Variants in ADAMTS3 observed in about 807,000 individuals in gnomAD.
ADAMTS3 encodes A disintegrin and metalloproteinase with thrombospondin motifs 3.
A neutral mutation model predicts 129.0 loss-of-function variants in ADAMTS3; 73 were observed. The ratio of observed to expected loss-of-function variants is 0.57; its 90% CI spans 0.47 to 0.69. The LOEUF (loss-of-function observed/expected upper bound fraction) is 0.69, where lower values mean the gene tolerates loss of function less well. Among genes scored for constraint, ADAMTS3 ranks in the 30% least tolerant of loss-of-function variants. The probability of loss-of-function intolerance (pLI) is 0.00; values close to 1 mark genes in which losing one functional copy is unlikely to be tolerated. For missense variants in ADAMTS3, 1,457 were observed against 1,514.5 expected, an observed-to-expected ratio of 0.96 and a Z score of 0.63; for synonymous variants, 477 against 510.8, an observed-to-expected ratio of 0.93 and a Z score of 0.89.
chr4:72,567,408 AG>A lies in ADAMTS3; in HGVS notation c.70-8del. On this transcript the variant is annotated splice_polypyrimidine_tract_variant and splice_region_variant and intron_variant, in intron 1 of 21. Coordinates refer to ENST00000286657, the MANE Select transcript of ADAMTS3 (RefSeq NM_014243.3). ...CCATTTCTTCATTACCAGCCTGGAA[AG>A]GAGGGGGAAAGCAAGAAAAAGAAAG... 6.4e-7 allele frequency: 1 copy of A among 1,564,582 alleles called. No homozygotes were observed. Among genetic ancestry groups the A allele is most frequent in the Non-Finnish European group, 8.8e-7 (1 of 1,140,676 alleles).
intron 3 of ADAMTS3, among the ~76,000 whole-genome samples, chr4:72,518,111 G>A (rs940619190): frequency 3.9e-5 from 6 of 152,110 alleles, no homozygotes; most frequent in Non-Finnish European, 1.5e-5. Flanking sequence ...AGTCATTCAG[G>A]AACAGGTTGT....
At chr4:72,472,024 G>C (rs1241646630) in intron 3 of ADAMTS3, among the ~76,000 whole-genome samples, 1 of 152,040 alleles carries the variant, frequency 6.6e-6, no homozygotes, top group Non-Finnish European at 1.5e-5. Flanking sequence ...GGAACTATGG[G>C]ACATAAAGCA....
chr4:72,306,269 T>A (rs1719088640), intron 15 of ADAMTS3, among the ~76,000 whole-genome samples: 1 of 151,976 alleles, frequency 6.6e-6, no homozygotes, highest in Non-Finnish European at 1.5e-5. Flanking sequence ...CTTTTTTTTT[T>A]ATTAAAGAGG....
At position 72,440,825 on chromosome 4, in the gene ADAMTS3, C is replaced by T. The variant is rs186821796; in HGVS notation, c.505-25854G>A. Among the ~76,000 whole-genome samples, 402 of 151,768 alleles carry T rather than the reference C, an allele frequency of 2.6e-3. 3 individuals carry two copies. The highest frequency in any genetic ancestry group is 9.4e-3 in the African/African-American group (390 of 41,458). On this transcript the variant is annotated intron_variant, in intron 3 of 21. Coordinates refer to ENST00000286657, the MANE Select transcript of ADAMTS3 (RefSeq NM_014243.3). ...ATAAGTCCCGTGGGAGTGAAATACA[C>T]CTATTCAATTTGGATTTTCACTTTT...
intron 4 of ADAMTS3, among the ~76,000 whole-genome samples, chr4:72,385,614 T>C (rs2109885185): frequency 6.6e-6 from 1 of 152,054 alleles, no homozygotes; most frequent in South Asian, 2.1e-4. Context: ...TGAAAGTAAA[T>C]ATGTGGAAAA....
intron 2 of ADAMTS3, among the ~76,000 whole-genome samples, chr4:72,562,266 C>T (rs529784530): frequency 5.2e-4 from 79 of 152,124 alleles, no homozygotes; most frequent in African/African-American, 1.8e-3. Context: ...CAATACTTTC[C>T]TAAGTTGCTA....
chr4:72,357,546 C>T (rs1471881413), intron 4 of ADAMTS3, among the ~76,000 whole-genome samples: 2 of 151,680 alleles, frequency 1.3e-5, no homozygotes, highest in African/African-American at 4.8e-5. Flanking sequence ...AATTCAATTT[C>T]TATTATTTAC....
chr4:72,529,706 T>G (rs1246210923), intron 3 of ADAMTS3, among the ~76,000 whole-genome samples: 2 of 116,622 alleles, frequency 1.7e-5, no homozygotes. Context: ...TATATTAATA[T>G]TAAATATAAT....
intron 3 of ADAMTS3, among the ~76,000 whole-genome samples, chr4:72,480,657 G>A (rs1188173054): frequency 2.0e-5 from 3 of 150,418 alleles, no homozygotes; most frequent in Non-Finnish European, 4.4e-5. Context: ...TAACTAACCT[G>A]CACATTGTGC....
At chr4:72,334,369 C>T (rs918159764) in intron 5 of ADAMTS3, among the ~76,000 whole-genome samples, 3 of 152,014 alleles carry the variant, frequency 2.0e-5, no homozygotes, top group African/African-American at 7.2e-5. Flanking sequence ...AAGACTGAAT[C>T]GATCAAATTT....
intron 1 of ADAMTS3, 101 bp downstream of exon 1, chr4:72,568,593 T>G (rs1578803221): frequency 4.6e-6 from 4 of 871,790 alleles, no homozygotes; most frequent in Non-Finnish European, 7.3e-6. Context: ...CAGGGAAGGG[T>G]GGGAGGAGAA....
At chr4:72,379,912 C>T (rs925376908) in intron 4 of ADAMTS3, among the ~76,000 whole-genome samples, 9 of 152,038 alleles carry the variant, frequency 5.9e-5, no homozygotes, top group African/African-American at 2.2e-4. Flanking sequence ...TAATAGATAA[C>T]CATTGTGTTT....
intron 4 of ADAMTS3, among the ~76,000 whole-genome samples, chr4:72,368,325 G>A (rs747625619): frequency 5.9e-5 from 9 of 152,144 alleles, no homozygotes; most frequent in Non-Finnish European, 1.2e-4. Context: ...CAGTGTTAGT[G>A]CAAAATCACT....
chr4:72,471,619 T>C (rs1286694025), intron 3 of ADAMTS3, among the ~76,000 whole-genome samples: 3 of 152,200 alleles, frequency 2.0e-5, no homozygotes, highest in East Asian at 3.9e-4. Context: ...AAAGCAGATA[T>C]GAAAACGTAA....
rs1230679310 is a variant in ADAMTS3, at chr4:72,548,914, C to T, written c.98-30G>A. The T allele has an allele frequency of 4.4e-6, 7 of 1,581,310 alleles. No homozygotes were observed. In the African/African-American group the frequency reaches 9.4e-5, roughly 21 times the overall value. The stretch of plus-strand genomic sequence containing the variant: ...GGGGTGAAAAACAGAACTGTCAAAC[C>T]CTGTACAATAAGAGAACACAGGAGA... On this transcript the variant is annotated intron_variant, in intron 2 of 21. Coordinates refer to ENST00000286657, the MANE Select transcript of ADAMTS3 (RefSeq NM_014243.3).
chr4:72,371,055 T>C (rs1185111056), intron 4 of ADAMTS3, among the ~76,000 whole-genome samples: 1 of 152,132 alleles, frequency 6.6e-6, no homozygotes, highest in Non-Finnish European at 1.5e-5. Context: ...ACCAGAGTGA[T>C]ATGTCTACAA....
chr4:72,435,159 T>G (rs1722790206), intron 3 of ADAMTS3, among the ~76,000 whole-genome samples: 1 of 151,802 alleles, frequency 6.6e-6, no homozygotes. Context: ...TGTGTGGCAC[T>G]AAACAGACCT....
intron 5 of ADAMTS3, among the ~76,000 whole-genome samples, chr4:72,338,659 T>G (rs1720049941): frequency 6.7e-6 from 1 of 148,532 alleles, no homozygotes; most frequent in Non-Finnish European, 1.5e-5. Flanking sequence ...GGGGGGAGGG[T>G]GGGTTGAGAG....
intron 3 of ADAMTS3, among the ~76,000 whole-genome samples, chr4:72,511,322 A>G (rs1720308815): frequency 6.6e-6 from 1 of 151,740 alleles, no homozygotes; most frequent in Non-Finnish European, 1.5e-5. Context: ...AAGTGAAAAG[A>G]TGACTCACAG....
Sources: allele counts gnomAD v4.1 joint callset (sites outside exome capture counted in the v4.1 genomes callset), GRCh38; gene constraint gnomAD v4.1.1; transcripts MANE v1.5; gene names NCBI Gene and HGNC (gene_info 2026-07-23, HGNC 2026-07-21).